The following SCN10A variants were observed in gnomAD, a reference collection of about 807,000 sequenced individuals.
SCN10A encodes sodium channel protein type 10 subunit alpha.
A neutral mutation model predicts 170.7 loss-of-function variants in SCN10A; 162 were observed. The ratio of observed to expected loss-of-function variants is 0.95; its 90% CI spans 0.84 to 1.08. The LOEUF is 1.08. Among genes scored for constraint, SCN10A ranks in the 50% least tolerant of loss-of-function variants. The pLI, the probability that SCN10A is intolerant of heterozygous loss-of-function variation, is 0.00. For missense variants in SCN10A, 2,527 were observed against 2,436.9 expected, an observed-to-expected ratio of 1.04 and a Z score of -0.78; for synonymous variants, 985 against 904.6, an observed-to-expected ratio of 1.09 and a Z score of -1.59.
intron 4 of SCN10A, among the ~76,000 whole-genome samples, chr3:38,780,694 T>C (rs2064129442): frequency 6.6e-6 from 1 of 152,156 alleles, no homozygotes; most frequent in Non-Finnish European, 1.5e-5. Context: ...ATTTTATATT[T>C]ATTTTAGACT....
chr3:38,738,408 C>T (rs543297536), intron 15 of SCN10A, among the ~76,000 whole-genome samples: 3 of 152,264 alleles, frequency 2.0e-5, no homozygotes, highest in South Asian at 4.1e-4. Context: ...GAGTTTGCCA[C>T]CCCTAATCCA....
intron 1 of SCN10A, among the ~76,000 whole-genome samples, chr3:38,811,802 T>A (rs1380295232): frequency 6.6e-6 from 1 of 152,152 alleles, no homozygotes; most frequent in Non-Finnish European, 1.5e-5. Flanking sequence ...GGCTATCAAT[T>A]TCCCCAGGAT....
rs989138573 is a variant in SCN10A, at chr3:38,727,196, T to C, written c.2641-144A>G. 4.1e-6 allele frequency: 3 copies of C among 722,954 alleles called. No homozygotes were observed. In the African/African-American group the frequency reaches 5.3e-5, roughly 13 times the overall value. 44.8% of individuals were successfully genotyped at this position (722,954 alleles called of 1,614,324 possible). ...CGGGATGCTGTCCCTTTTGGGGGAA[T>C]GGACTTTCTGAGAGCAGTTGAGGGA... On this transcript the variant is annotated intron_variant, in intron 16 of 27. Transcript: ENST00000449082.
intron 11 of SCN10A, 22 bp from the exon 12 acceptor site, chr3:38,752,534 C>G: frequency 1.3e-6 from 2 of 1,518,472 alleles, no homozygotes; most frequent in South Asian, 1.3e-5. Flanking sequence ...CCCAAAGGAG[C>G]AAGAAGGCTG....
intron 15 of SCN10A, among the ~76,000 whole-genome samples, chr3:38,736,070 A>G (rs1340098021): frequency 6.6e-6 from 1 of 152,232 alleles, no homozygotes; most frequent in Non-Finnish European, 1.5e-5. Context: ...GAGTTTGAGA[A>G]TAAGTGAGCT....
At position 38,725,278 on chromosome 3, in the gene SCN10A, G is replaced by A. The variant is rs2063441569; in HGVS notation, c.3124C>T (p.His1042Tyr). ...QLQQVERCGD[H>Y]LTPRSPGTGT... ...GTGCCTGGGCTCCTGGGTGTCAGGTGGTCCCCACACCTCTCGACTTGCTGC... is the reference window on the plus strand; with the variant it reads ...GTGCCTGGGCTCCTGGGTGTCAGGTAGTCCCCACACCTCTCGACTTGCTGC... The change falls in exon 18 of 28, where the codon CAC becomes TAC. Residue 1042 changes from histidine to tyrosine, a missense_variant. Coordinates refer to ENST00000449082, the MANE Select transcript of SCN10A (RefSeq NM_006514.4). 5.6e-6 allele frequency: 9 copies of A among 1,597,820 alleles called. No individual in the cohort carries two copies. The highest frequency in any genetic ancestry group is 7.7e-6 in the Non-Finnish European group (9 of 1,168,142).
At chr3:38,719,765 G>T (rs12497918) in intron 20 of SCN10A, among the ~76,000 whole-genome samples, 2,348 of 152,312 alleles carry the variant, frequency 0.015, 66 homozygotes, top group Admixed American at 0.064. Flanking sequence ...ATGTGACTCA[G>T]AGGTTTCAGG....
chr3:38,774,459 G>T (rs755311800), intron 4 of SCN10A, among the ~76,000 whole-genome samples: 4 of 152,098 alleles, frequency 2.6e-5, no homozygotes, highest in Non-Finnish European at 5.9e-5. Flanking sequence ...TCTTGATGTT[G>T]GGTTGCAGCA....
chr3:38,795,193 C>T (rs1312861691), intron 1 of SCN10A, among the ~76,000 whole-genome samples: 3 of 152,114 alleles, frequency 2.0e-5, no homozygotes, highest in African/African-American at 7.2e-5. Flanking sequence ...CTTCTACTCA[C>T]TGTTTCCAGT....
rs377191016 is a variant in SCN10A at position 38,716,586 on chromosome 3, G to T, written c.3681+2067C>A. Reference sequence around the variant, plus strand: ...AGTCTTAGGTATGTCTTTATCAGCAGCATGAAAATAGACTAATACAAATAT... The same window carrying T: ...AGTCTTAGGTATGTCTTTATCAGCATCATGAAAATAGACTAATACAAATAT... On this transcript the variant is annotated intron_variant, in intron 21 of 27. Coordinates refer to ENST00000449082, the MANE Select transcript of SCN10A (RefSeq NM_006514.4). 7.9e-5 allele frequency among the ~76,000 whole-genome samples: 12 copies of T among 152,070 alleles called. No individual in the cohort carries two copies. The South Asian group carries it at 1.2e-3, about 16-fold the overall frequency.
intron 26 of SCN10A, among the ~76,000 whole-genome samples, chr3:38,704,854 T>G (rs1046049767): frequency 6.6e-6 from 1 of 152,160 alleles, no homozygotes; most frequent in South Asian, 2.1e-4. Context: ...AGCTTGACCT[T>G]TGGGGCTCCT....
intron 1 of SCN10A, among the ~76,000 whole-genome samples, chr3:38,798,845 A>G (rs1364692365): frequency 1.6e-5 from 2 of 125,654 alleles, no homozygotes; most frequent in Non-Finnish European, 3.1e-5. Flanking sequence ...GCTGGAGTGC[A>G]GTGGCACAAT....
chr3:38,787,719 C>T (rs1053159871), intron 4 of SCN10A, among the ~76,000 whole-genome samples: 5 of 151,922 alleles, frequency 3.3e-5, no homozygotes, highest in South Asian at 2.1e-4. Flanking sequence ...ATGTGCAGAA[C>T]GTGCCGGTTT....
intron 1 of SCN10A, among the ~76,000 whole-genome samples, chr3:38,795,341 C>CTTTTT (rs201748424): frequency 7.8e-5 from 10 of 127,870 alleles, no homozygotes; most frequent in East Asian, 2.1e-4. Context: ...TTTTCTTTTT[C>CTTTTT]TTTTTCTTTT....
intron 11 of SCN10A, among the ~76,000 whole-genome samples, chr3:38,753,182 T>A (rs145791541): frequency 1.3e-5 from 2 of 152,292 alleles, no homozygotes; most frequent in African/African-American, 2.4e-5. Context: ...ACATTTCCCA[T>A]CAAAATCTTC....
At chr3:38,773,463 A>C (rs1188114691) in intron 4 of SCN10A, among the ~76,000 whole-genome samples, 1 of 152,232 alleles carries the variant, frequency 6.6e-6, no homozygotes, top group Non-Finnish European at 1.5e-5. Flanking sequence ...AGAATGAGGC[A>C]GAAGATGAAG....
chr3:38,764,871 A>G (rs2063914175), intron 5 of SCN10A, among the ~76,000 whole-genome samples: 1 of 152,080 alleles, frequency 6.6e-6, no homozygotes, highest in East Asian at 1.9e-4. Flanking sequence ...ATCCATGCCA[A>G]CATCTATTAT....
rs141072660 is a variant in SCN10A at position 38,778,489 on chromosome 3, C to T, written c.471-7082G>A. ...TAGAAAATGGAATATCTATCTTTAT[C>T]TTTCCACAAGCAGACAGATAGGCAG... is the stretch of plus-strand genomic sequence containing the variant. On this transcript the variant is annotated intron_variant, in intron 4 of 27. Coordinates refer to ENST00000449082, the MANE Select transcript of SCN10A (RefSeq NM_006514.4). Among the ~76,000 whole-genome samples the T allele has an allele frequency of 1.0e-3, 152 of 151,974 alleles. 2 individuals carry two copies. In the East Asian group the frequency reaches 0.026, roughly 26 times the overall value.
At chr3:38,704,650 A>G (rs944754104) in intron 26 of SCN10A, among the ~76,000 whole-genome samples, 1 of 152,224 alleles carries the variant, frequency 6.6e-6, no homozygotes, top group African/African-American at 2.4e-5. Context: ...GGGAATGTTA[A>G]AGAATAAAAT....
Sources: allele counts gnomAD v4.1 joint callset (sites outside exome capture counted in the v4.1 genomes callset), GRCh38; gene constraint gnomAD v4.1.1; transcripts MANE v1.5; gene names NCBI Gene and HGNC (gene_info 2026-07-23, HGNC 2026-07-21).